ZNF469: variants seen among roughly 807,000 people sequenced by gnomAD.
ZNF469 encodes the protein zinc finger protein 469.
Under a neutral mutation model 1.0 loss-of-function variants are expected in ZNF469, and 1 was observed. The observed-to-expected ratio is 1.00, with a 90% CI of 0.35 to 4.73. The LOEUF (loss-of-function observed/expected upper bound fraction) is 4.73. Ranked by LOEUF, ZNF469 falls within the 30% of genes most tolerant of loss-of-function variation. The pLI, the probability that ZNF469 is intolerant of heterozygous loss-of-function variation, is 0.16. For missense variants in ZNF469, 6,100 were observed against 5,356.3 expected, an observed-to-expected ratio of 1.14 and a Z score of -4.33; for synonymous variants, 2,703 against 2,363.4, an observed-to-expected ratio of 1.14 and a Z score of -4.17.
chr16:88,236,378 CCTGTG>C, the ZNF469 span, among the ~76,000 whole-genome samples: 1 of 152,256 alleles, frequency 6.6e-6, no homozygotes, highest in Admixed American at 6.5e-5. Context: ...CTACAAACAG[CCTGTG>C]CTGTCAGTCT....
At chr16:88,167,053 C>CTTTTTTTT in the ZNF469 span, among the ~76,000 whole-genome samples, 2 of 82,850 alleles carry the variant, frequency 2.4e-5, no homozygotes, top group Non-Finnish European at 4.3e-5. Context: ...CAGGCTTATT[C>CTTTTTTTT]TTTTTTTTTT....
the ZNF469 span, among the ~76,000 whole-genome samples, chr16:88,301,997 G>T: frequency 1.3e-5 from 2 of 152,196 alleles, no homozygotes; most frequent in South Asian, 4.1e-4. Context: ...AGACAGGGAA[G>T]CTGAGGCTCA....
At chr16:88,172,894 A>G in the ZNF469 span, among the ~76,000 whole-genome samples, 2 of 152,254 alleles carry the variant, frequency 1.3e-5, no homozygotes, top group Admixed American at 6.5e-5. Flanking sequence ...CTATAGCTAT[A>G]GCTATAGAAA....
chr16:88,266,985 C>T, the ZNF469 span, among the ~76,000 whole-genome samples: 809 of 152,344 alleles, frequency 5.3e-3, 1 homozygote, highest in African/African-American at 0.017. Context: ...ACCAGGGGGG[C>T]CCTGGAGCAG....
At chr16:88,353,031 G>C in the ZNF469 span, among the ~76,000 whole-genome samples, 482 of 152,330 alleles carry the variant, frequency 3.2e-3, 3 homozygotes, top group African/African-American at 0.011. Flanking sequence ...GCCCCGGTGA[G>C]ACTGCAGGGT....
At chr16:88,127,689 G>A in the ZNF469 span, among the ~76,000 whole-genome samples, 5 of 152,192 alleles carry the variant, frequency 3.3e-5, no homozygotes, top group Admixed American at 6.5e-5. Context: ...CTTGGGAGCC[G>A]CTGTGTGAGT....
rs949927598 is a variant in ZNF469, at chr16:88,431,288, A to G, written c.3818A>G (p.His1273Arg). 6.5e-7 allele frequency: 1 copy of G among 1,550,114 alleles called. No individual in the cohort carries two copies. The highest frequency in any genetic ancestry group is 1.4e-5 in the African/African-American group (1 of 73,064). The stretch of plus-strand genomic sequence containing the variant: ...CCAGAGCAGCCGCCGCCCAGCAGAC[A>G]TGACACCGGCACCCCCAAGCCGTCG... Reference protein sequence around the residue: ...LIPEQPPPSRHDTGTPKPSGS... With the variant: ...LIPEQPPPSRRDTGTPKPSGS... Residue 1273 changes from histidine to arginine, a missense_variant, in exon 3 of 3, where the codon CAT becomes CGT. His to Arg is a conservative substitution (Grantham distance 29, BLOSUM62 0). Transcript: ENST00000565624.
chr16:88,326,467 C>G, the ZNF469 span, among the ~76,000 whole-genome samples: 2 of 152,206 alleles, frequency 1.3e-5, no homozygotes, highest in African/African-American at 2.4e-5. Flanking sequence ...GTCTAATACA[C>G]TTCGAGACAC....
the ZNF469 span, among the ~76,000 whole-genome samples, chr16:88,181,073 CTT>C: frequency 0.021 from 2,767 of 131,096 alleles, 78 homozygotes; most frequent in African/African-American, 0.076. Flanking sequence ...AGAATACACA[CTT>C]TTTTTTTTTT....
At chr16:88,376,321 G>T in the ZNF469 span, among the ~76,000 whole-genome samples, 2 of 152,262 alleles carry the variant, frequency 1.3e-5, no homozygotes, top group Non-Finnish European at 2.9e-5. Flanking sequence ...GGACAGTGGC[G>T]ATTCGGACTG....
chr16:88,196,458 A>G, the ZNF469 span, among the ~76,000 whole-genome samples: 1 of 152,204 alleles, frequency 6.6e-6, no homozygotes, highest in East Asian at 1.9e-4. Context: ...CCCCACCTCA[A>G]GACATGTCCA....
intron 1 of ZNF469, among the ~76,000 whole-genome samples, chr16:88,402,932 G>T (rs2333921): frequency 0.76 from 116,250 of 151,972 alleles, 44,709 homozygotes; most frequent in Middle Eastern, 0.89. Flanking sequence ...GAACCCCCAC[G>T]CCGGGAACAG....
the ZNF469 span, among the ~76,000 whole-genome samples, chr16:88,161,932 A>C: frequency 6.6e-6 from 1 of 152,214 alleles, no homozygotes; most frequent in African/African-American, 2.4e-5. Flanking sequence ...CTGGACCCAA[A>C]TGGAATGCCG....
the ZNF469 span, among the ~76,000 whole-genome samples, chr16:88,225,869 C>T: frequency 3.9e-5 from 6 of 152,210 alleles, no homozygotes; most frequent in African/African-American, 7.2e-5. Flanking sequence ...TACTTAGTCT[C>T]GGGTGTTTTG....
the ZNF469 span, among the ~76,000 whole-genome samples, chr16:88,176,541 G>A: frequency 1.3e-5 from 2 of 152,246 alleles, no homozygotes; most frequent in African/African-American, 2.4e-5. Flanking sequence ...TAGCAGAGAC[G>A]CAATGGCGGC....
chr16:88,317,356 T>C, the ZNF469 span, among the ~76,000 whole-genome samples: 2 of 152,230 alleles, frequency 1.3e-5, no homozygotes, highest in Non-Finnish European at 2.9e-5. Context: ...TCCATTCTTC[T>C]GCGGGTGAAA....
chr16:88,235,855 A>G, the ZNF469 span, among the ~76,000 whole-genome samples: 4 of 152,210 alleles, frequency 2.6e-5, no homozygotes, highest in African/African-American at 4.8e-5. Context: ...CTCATACACT[A>G]TGGGGACAGG....
chr16:88,377,582 G>C, the ZNF469 span, among the ~76,000 whole-genome samples: 11 of 152,298 alleles, frequency 7.2e-5, no homozygotes, highest in East Asian at 2.1e-3. Context: ...TGTCTCCTTG[G>C]ACCGGGCTCA....
the ZNF469 span, among the ~76,000 whole-genome samples, chr16:88,321,776 C>T: frequency 6.6e-6 from 1 of 152,194 alleles, no homozygotes; most frequent in Non-Finnish European, 1.5e-5. Flanking sequence ...GGATGCAGCC[C>T]TCGGATTCTG....
Sources: allele counts gnomAD v4.1 joint callset (sites outside exome capture counted in the v4.1 genomes callset), GRCh38; gene constraint gnomAD v4.1.1; transcripts MANE v1.5; gene names NCBI Gene and HGNC (gene_info 2026-07-23, HGNC 2026-07-21).